The following SLC25A26 variants were observed in gnomAD, a reference collection of about 807,000 sequenced individuals.
The protein encoded by SLC25A26 is mitochondrial S-adenosylmethionine carrier protein.
SLC25A26 carries 36 observed loss-of-function variants against 37.8 expected under a neutral mutation model. The observed-to-expected ratio is 0.95, with a 90% CI of 0.73 to 1.26. The LOEUF is 1.26. SLC25A26 is among the 50% of genes most tolerant of loss of function. The pLI is 0.00. For synonymous variants in SLC25A26, 129 were observed against 122.5 expected (o/e 1.05, Z -0.35); for missense variants, 390 against 331.1 (o/e 1.18, Z -1.38).
intron 1 of SLC25A26, among the ~76,000 whole-genome samples, chr3:66,230,060 C>T (rs1229294698): frequency 6.6e-6 from 1 of 152,200 alleles, no homozygotes; most frequent in African/African-American, 2.4e-5. Context: ...GACCACCAAG[C>T]AGTGCTTGAC....
At chr3:66,330,709 C>T (rs999962764) in intron 5 of SLC25A26, among the ~76,000 whole-genome samples, 1 of 151,842 alleles carries the variant, frequency 6.6e-6, no homozygotes, top group East Asian at 1.9e-4. Context: ...CTGAAACATC[C>T]ACACAAACTT....
intron 5 of SLC25A26, among the ~76,000 whole-genome samples, chr3:66,291,553 C>A (rs1481899625): frequency 6.6e-6 from 1 of 152,134 alleles, no homozygotes. Context: ...CCCTTAATTT[C>A]GTTTTGTAAC....
At chr3:66,230,849 G>A (rs2071991068) in intron 1 of SLC25A26, among the ~76,000 whole-genome samples, 1 of 144,210 alleles carries the variant, frequency 6.9e-6, no homozygotes, top group South Asian at 2.3e-4. Context: ...TAGACTGAGA[G>A]AAAAACCTAA....
chr3:66,292,553 A>G (rs1457641006), intron 5 of SLC25A26, among the ~76,000 whole-genome samples: 1 of 152,134 alleles, frequency 6.6e-6, no homozygotes, highest in African/African-American at 2.4e-5. Flanking sequence ...TCCTTTGCTT[A>G]TGAAGCTTAG....
chr3:66,350,814 G>A (rs2076436624), intron 6 of SLC25A26, among the ~76,000 whole-genome samples: 1 of 151,996 alleles, frequency 6.6e-6, no homozygotes. Flanking sequence ...CCCCTTCTCT[G>A]TTCTCTGACT....
intron 5 of SLC25A26, among the ~76,000 whole-genome samples, chr3:66,342,002 G>A (rs1025183906): frequency 4.1e-4 from 63 of 151,904 alleles, no homozygotes; most frequent in African/African-American, 1.4e-3. Context: ...TTACCCCTGG[G>A]GTTGAATTGG....
chr3:66,187,069 A>T (rs2070842742), intron 1 of SLC25A26, among the ~76,000 whole-genome samples: 1 of 150,436 alleles, frequency 6.6e-6, no homozygotes, highest in African/African-American at 2.5e-5. Context: ...CCTCAACTTC[A>T]CCCAGAGCCT....
At chr3:66,254,313 A>T (rs1350776946) in intron 3 of SLC25A26, among the ~76,000 whole-genome samples, 1 of 152,212 alleles carries the variant, frequency 6.6e-6, no homozygotes, top group Non-Finnish European at 1.5e-5. Flanking sequence ...CTTAATTGGA[A>T]ACCTGCTTTC....
chr3:66,350,751 A>G (rs1303530195), intron 6 of SLC25A26, among the ~76,000 whole-genome samples: 1 of 152,050 alleles, frequency 6.6e-6, no homozygotes, highest in Non-Finnish European at 1.5e-5. Flanking sequence ...CGCACACACA[A>G]AATTCTTCCC....
intron 1 of SLC25A26, among the ~76,000 whole-genome samples, chr3:66,233,984 T>C (rs1399318460): frequency 6.6e-6 from 1 of 152,222 alleles, no homozygotes; most frequent in Non-Finnish European, 1.5e-5. Flanking sequence ...TAGAGTGAAG[T>C]GCAGCATGTT....
intron 1 of SLC25A26, among the ~76,000 whole-genome samples, chr3:66,210,540 G>A (rs2071271018): frequency 6.6e-6 from 1 of 151,872 alleles, no homozygotes; most frequent in Admixed American, 6.6e-5. Context: ...CTTGAGATGG[G>A]GGTCTCACTC....
chr3:66,134,389 A>G (rs148884951), intron 1 of SLC25A26, among the ~76,000 whole-genome samples: 2 of 152,348 alleles, frequency 1.3e-5, no homozygotes, highest in African/African-American at 4.8e-5. Context: ...TGGGTGGTAT[A>G]AATGGCGAAG....
intron 5 of SLC25A26, among the ~76,000 whole-genome samples, chr3:66,285,081 G>C (rs1270185275): frequency 6.6e-6 from 1 of 152,122 alleles, no homozygotes; most frequent in Non-Finnish European, 1.5e-5. Context: ...GTCTTCTGGT[G>C]CTGGTCATTT....
chr3:66,206,412 G>A (rs1363702490), intron 1 of SLC25A26, among the ~76,000 whole-genome samples: 6 of 152,232 alleles, frequency 3.9e-5, no homozygotes, highest in African/African-American at 1.4e-4. Flanking sequence ...CCCAAAGACT[G>A]CCAAGTACAT....
upstream of SLC25A26, among the ~76,000 whole-genome samples, chr3:66,216,579 G>C (rs2071364491): frequency 6.6e-6 from 1 of 151,316 alleles, no homozygotes; most frequent in Non-Finnish European, 1.5e-5. Context: ...TGGAACTTAA[G>C]CCTAGTCCTG....
intron 1 of SLC25A26, among the ~76,000 whole-genome samples, chr3:66,232,948 A>C (rs140475943): frequency 0.046 from 6,990 of 152,320 alleles, 201 homozygotes; most frequent in East Asian, 0.093. Flanking sequence ...GCAGTTCTGC[A>C]GTGAGGAAGA....
intron 3 of SLC25A26, among the ~76,000 whole-genome samples, chr3:66,257,898 A>G (rs1405658669): frequency 6.6e-6 from 1 of 152,114 alleles, no homozygotes; most frequent in East Asian, 1.9e-4. Flanking sequence ...GTAAACCTTC[A>G]TATGTGCGCT....
intron 5 of SLC25A26, among the ~76,000 whole-genome samples, chr3:66,331,221 T>C (rs2107679961): frequency 6.6e-6 from 1 of 152,284 alleles, no homozygotes; most frequent in South Asian, 2.1e-4. Flanking sequence ...TTCCCGTGTT[T>C]CCACCAAGTT....
At chr3:66,156,791 T>C (rs1281861393) in intron 1 of SLC25A26, among the ~76,000 whole-genome samples, 1 of 152,064 alleles carries the variant, frequency 6.6e-6, no homozygotes, top group Non-Finnish European at 1.5e-5. Context: ...GGGGCCTGCC[T>C]AACACAGGCT....
Sources: allele counts gnomAD v4.1 joint callset (sites outside exome capture counted in the v4.1 genomes callset), GRCh38; gene constraint gnomAD v4.1.1; transcripts MANE v1.5; gene names NCBI Gene and HGNC (gene_info 2026-07-23, HGNC 2026-07-21).